The following ISYNA1 variants were observed in gnomAD, a reference collection of about 807,000 sequenced individuals.
ISYNA1 encodes the protein inositol-3-phosphate synthase 1.
Under a neutral mutation model 50.3 loss-of-function variants are expected in ISYNA1, and 34 were observed. The ratio of observed to expected loss-of-function variants is 0.68; its 90% CI spans 0.51 to 0.90. ISYNA1 has a LOEUF of 0.90. Among genes scored for constraint, ISYNA1 ranks in the 40% least tolerant of loss-of-function variants. The pLI is 0.00. For synonymous variants in ISYNA1, 396 were observed against 349.9 expected (o/e 1.13, Z -1.47); for missense variants, 718 against 784.8 (o/e 0.91, Z 1.02).
At position 18,436,776 on chromosome 19, in the gene ISYNA1, G is replaced by T. The variant is rs766889926; in HGVS notation, c.517C>A (p.Arg173=). The change falls in exon 5 of 11, where the codon CGG becomes AGG. Residue 173 remains arginine (R), a synonymous_variant. Coordinates refer to ENST00000338128, the MANE Select transcript of ISYNA1 (RefSeq NM_016368.5). ...EQLWPHMEAL[R]PRPSVYIPEF... ...GGGATGTAAACAGAAGGCCGGGGCC[G>T]CAGGGCCTCCATGTGCGGCCACAGT... 15 of 1,576,640 alleles carry T rather than the reference G, an allele frequency of 9.5e-6. No homozygotes were observed. In the Admixed American group the frequency reaches 3.0e-4, roughly 31 times the overall value.
rs1361188695 is a variant in ISYNA1, at chr19:18,437,969, G to A, written c.11C>T (p.Ala4Val). The A allele has an allele frequency of 3.8e-6, 6 of 1,584,230 alleles. No homozygotes were observed. Among genetic ancestry groups the A allele is most frequent in the Non-Finnish European group, 4.3e-6 (5 of 1,167,086 alleles). MEA[A>V]AQFFVESPDV... ...CGGGCTCTCGACGAAGAACTGGGCG[G>A]CGGCCTCCATCGCGGCGGGCTGGGG... The change falls in exon 2 of 11, where the codon GCC (alanine) becomes GTC (valine). Residue 4 changes from alanine (A) to valine (V), a missense_variant. This residue lies in a region of ISYNA1 where 403 missense variants were observed against 466.6 expected (regional missense o/e 0.86). Coordinates refer to ENST00000338128, the MANE Select transcript of ISYNA1 (RefSeq NM_016368.5).
chr19:18,436,232 A>G lies in ISYNA1; in HGVS notation c.775T>C (p.Ser259Pro), dbSNP rs1245945454. The G allele has an allele frequency of 1.2e-6, 2 of 1,608,838 alleles. No homozygotes were observed. Among genetic ancestry groups the G allele is most frequent in the Non-Finnish European group, 1.7e-6 (2 of 1,179,924 alleles). ...GCCACGGCGAAGAGCGTGGAGGGCGACACCTCCAGACCGAGCTGTGGGCAA... is the reference window on the plus strand; with the variant it reads ...GCCACGGCGAAGAGCGTGGAGGGCGGCACCTCCAGACCGAGCTGTGGGCAA... ...LRTIELGLEV[S>P]PSTLFAVASI... The change falls in exon 7 of 11, where the codon TCG becomes CCG. Residue 259 changes from serine to proline, a missense_variant. Around this residue, in one of 3 missense-constraint regions of ISYNA1, gnomAD observed 403 missense variants for 466.6 expected, o/e 0.86. Coordinates refer to ENST00000338128, the MANE Select transcript of ISYNA1 (RefSeq NM_016368.5).
In ISYNA1 at chr19:18,437,940, C is replaced by T. The variant is rs1211775938; in HGVS notation, c.40G>A (p.Val14Met). 1.2e-6 allele frequency: 2 copies of T among 1,606,668 alleles called. No homozygotes were observed. Among genetic ancestry groups the T allele is most frequent in the Non-Finnish European group, 8.5e-7 (1 of 1,177,656 alleles). The change falls in exon 2 of 11, where the codon GTG becomes ATG. Residue 14 changes from valine to methionine, a missense_variant. Coordinates refer to ENST00000338128, the MANE Select transcript of ISYNA1 (RefSeq NM_016368.5). ...AAQFFVESPD[V>M]VYGPEAIEAQ... Reference sequence around the variant, plus strand: ...TCGATGGCCTCGGGGCCGTAGACCACGTCCGGGCTCTCGACGAAGAACTGG... The same window carrying T: ...TCGATGGCCTCGGGGCCGTAGACCATGTCCGGGCTCTCGACGAAGAACTGG...
At chr19:18,435,172 G>T in intron 10 of ISYNA1, 55 bp from the exon 11 acceptor site, 11 of 1,599,828 alleles carry the variant, frequency 6.9e-6, no homozygotes, top group Non-Finnish European at 8.5e-6. Flanking sequence ...GAAAGGGGGG[G>T]TATCCCTGCC....
chr19:18,437,778 A>G lies in ISYNA1; in HGVS notation c.121-18T>C. 1 of 1,594,384 alleles carries G rather than the reference A, an allele frequency of 6.3e-7. No homozygotes were observed. ...GGGTGCACCTGAAGACAGGCCGCGC[A>G]GTGAATCCCGGGTCCCGTGCCCTTC... is the stretch of plus-strand genomic sequence containing the variant. On this transcript the variant is annotated intron_variant, in intron 2 of 10. Transcript: ENST00000338128.
chr19:18,436,167 C>T lies in ISYNA1; in HGVS notation c.840G>A (p.Pro280=), dbSNP rs146432587. ...LEGCAFLNGS[P]QNTLVPGALE... ...GAGCTCCGGGCACCAGGGTGTTCTG[C>T]GGAGACCCATTGAGGAAGGCACAGC... The change falls in exon 7 of 11, where the codon CCG becomes CCA. Residue 280 remains proline (P), a synonymous_variant. Transcript: ENST00000338128. 2.5e-6 allele frequency: 4 copies of T among 1,612,124 alleles called. No homozygotes were observed. The highest frequency in any genetic ancestry group is 1.3e-5 in the African/African-American group (1 of 75,072).
chr19:18,437,088 G>A lies in ISYNA1; in HGVS notation c.300C>T (p.Gly100=). The A allele has an allele frequency of 6.3e-7, 1 of 1,585,638 alleles. No individual in the cohort carries two copies. The highest frequency in any genetic ancestry group is 8.6e-7 in the Non-Finnish European group (1 of 1,168,022). Residue 100 remains glycine (G), a synonymous_variant, in exon 4 of 11, where the codon GGC becomes GGT. Transcript: ENST00000338128. The stretch of plus-strand genomic sequence containing the variant: ...TCACGGTGCCCGCCTGAGTCAGCGA[G>A]CCGTAGTAGTTGGCCTCCTGGGGGT... ...RSGRKEANYY[G]SLTQAGTVSL...
In ISYNA1 at chr19:18,436,323, C is replaced by G. The variant is rs1290295766; in HGVS notation, c.759+7G>C. The G allele has an allele frequency of 1.2e-6, 2 of 1,611,240 alleles. No homozygotes were observed. Among genetic ancestry groups the G allele is most frequent in the Non-Finnish European group, 1.7e-6 (2 of 1,179,864 alleles). The stretch of plus-strand genomic sequence containing the variant: ...GCCTGACCCGCTCCACCCGGGCGTT[C>G]GCCCACCTCAATGGTGCGCAGCAGG... On this transcript the variant is annotated splice_region_variant and intron_variant, in intron 6 of 10. Coordinates refer to ENST00000338128, the MANE Select transcript of ISYNA1 (RefSeq NM_016368.5).
Position 18,434,894 on chromosome 19 carries a change from A to G in ISYNA1, c.*19T>C, listed in dbSNP as rs768941131. ...GGGGCAGCGGGGAGGAAGAGCCGAG[A>G]AACTGTGTGACCGGGGCCTCAGGTG... On this transcript the variant is annotated 3_prime_UTR_variant, in exon 11 of 11. Coordinates refer to ENST00000338128, the MANE Select transcript of ISYNA1 (RefSeq NM_016368.5). The G allele has an allele frequency of 6.2e-7, 1 of 1,607,586 alleles. No homozygotes were observed. The highest frequency in any genetic ancestry group is 1.1e-5 in the South Asian group (1 of 90,922).
In ISYNA1 at chr19:18,434,547, G is replaced by A; in HGVS notation, c.*366C>T. On this transcript the variant is annotated 3_prime_UTR_variant, in exon 11 of 11. Transcript: ENST00000338128. The stretch of plus-strand genomic sequence containing the variant: ...GGGGCCCATAAATAAATGGAAGCTG[G>A]TTTTGGTTTTTGGTAGCTTGTCTCA... 1.8e-6 allele frequency: 1 copy of A among 544,660 alleles called. No individual in the cohort carries two copies. 33.7% of individuals were successfully genotyped at this position (544,660 alleles called of 1,614,324 possible).
chr19:18,437,565 G>T, intron 3 of ISYNA1, 34 bp downstream of exon 3: 1 of 947,368 alleles, frequency 1.1e-6, no homozygotes, highest in Non-Finnish European at 1.3e-6. Flanking sequence ...CTCCCACCAA[G>T]CCTCCCTACC....
chr19:18,435,190 G>A, intron 10 of ISYNA1, 73 bp from the exon 11 acceptor site: 3 of 1,593,832 alleles, frequency 1.9e-6, no homozygotes. Context: ...GCCACCTACA[G>A]CCCCCCAAGC....
At position 18,434,833 on chromosome 19, in the gene ISYNA1, C is replaced by G; in HGVS notation, c.*80G>C. 6.6e-6 allele frequency: 8 copies of G among 1,213,070 alleles called. 1 individual carries two copies. The highest frequency in any genetic ancestry group is 2.5e-5 in the South Asian group (2 of 80,816). 75.1% of individuals were successfully genotyped at this position (1,213,070 alleles called of 1,614,324 possible). On this transcript the variant is annotated 3_prime_UTR_variant, in exon 11 of 11. Transcript: ENST00000338128. ...GTGGAAGGAGGGCTGAGTGGCAGCG[C>G]CTTTATTTGTGGGGGCCTTCAAGGT...
chr19:18,434,753 A>G lies in ISYNA1; in HGVS notation c.*160T>C. 3.1e-6 allele frequency: 2 copies of G among 644,138 alleles called. No individual in the cohort carries two copies. The highest frequency in any genetic ancestry group is 5.4e-5 in the Admixed American group (2 of 36,784). 39.9% of individuals were successfully genotyped at this position (644,138 alleles called of 1,614,324 possible). ...GGATGGGACTGAAGCTGGGCGCTCA[A>G]GAGTCGGGGAAGTAGAGGGAGGCAG... On this transcript the variant is annotated 3_prime_UTR_variant, in exon 11 of 11. Coordinates refer to ENST00000338128, the MANE Select transcript of ISYNA1 (RefSeq NM_016368.5).
rs1301835348 is a variant in ISYNA1, at chr19:18,435,394, G to C, written c.1344C>G (p.Pro448=). ...QRVSFCTDMD[P]EPQTFHPVLS... ...GCACGGGGTGGAAGGTCTGCGGCTC[G>C]GGGTCCATGTCAGTGCAGAAGCTCA... The change falls in exon 10 of 11, where the codon CCC becomes CCG. Residue 448 remains proline (P), a synonymous_variant. Transcript: ENST00000338128. 4.3e-6 allele frequency: 7 copies of C among 1,611,312 alleles called. No individual in the cohort carries two copies. The highest frequency in any genetic ancestry group is 1.3e-5 in the African/African-American group (1 of 74,922).
At position 18,438,130 on chromosome 19, in the gene ISYNA1, G is replaced by A. The variant is rs1485241690; in HGVS notation, c.-47C>T. ...GACTCAGGCAGCGGCGGCGGACAGC[G>A]CGGGCTCTCGGGCGCGCGACCTCCG... On this transcript the variant is annotated 5_prime_UTR_variant, in exon 1 of 11. Transcript: ENST00000338128. 5 of 825,518 alleles carry A rather than the reference G, an allele frequency of 6.1e-6. No individual in the cohort carries two copies. Among genetic ancestry groups the A allele is most frequent in the Non-Finnish European group, 8.7e-6 (5 of 576,712 alleles). The allele number at this position is 825,518 out of a possible 1,614,324, so 51.1% of individuals were successfully genotyped here. A position where few individuals can be genotyped will look rare whatever the true frequency, so the allele number is the denominator to read the frequency against.
In ISYNA1 at chr19:18,437,336, C is replaced by T; in HGVS notation, c.283-231G>A. On this transcript the variant is annotated intron_variant, in intron 3 of 10. Transcript: ENST00000338128. ...AGGAGTCCCCGCTACCTCGCGAAACCCTTCCACGGGGTCCGCCTGCAGCCA... is the reference window on the plus strand; with the variant it reads ...AGGAGTCCCCGCTACCTCGCGAAACTCTTCCACGGGGTCCGCCTGCAGCCA... 3 of 1,402,792 alleles carry T rather than the reference C, an allele frequency of 2.1e-6. No homozygotes were observed. In the East Asian group the frequency reaches 8.0e-5, roughly 37 times the overall value. 86.9% of individuals were successfully genotyped at this position (1,402,792 alleles called of 1,614,324 possible). A position where few individuals can be genotyped will look rare whatever the true frequency, so the allele number is the denominator to read the frequency against.
Position 18,435,596 on chromosome 19 carries a change from T to G in ISYNA1, c.1221A>C (p.Gly407=). 6.2e-7 allele frequency: 1 copy of G among 1,609,898 alleles called. No homozygotes were observed. Among genetic ancestry groups the G allele is most frequent in the Non-Finnish European group, 8.5e-7 (1 of 1,178,440 alleles). The change falls in exon 9 of 11, where the codon GGA becomes GGC. Residue 407 remains glycine (G), a synonymous_variant. Transcript: ENST00000338128. ...DEYTSELMLG[G]TNTLVLHNTC... is the part of the protein sequence containing the mutation. ...TGTTGTGCAGCACCAGTGTGTTGGT[T>G]CCGCCCAGCATCAGCTCCGAGGTAT... is the stretch of plus-strand genomic sequence containing the variant.
At chr19:18,437,317 C>T (rs1310624129) in intron 3 of ISYNA1, 2 of 1,414,486 alleles carry the variant, frequency 1.4e-6, no homozygotes, top group African/African-American at 2.9e-5. Flanking sequence ...CCCGAGGAGT[C>T]CCCGCTACCT....
Sources: gnomAD v4.1 joint callset for allele counts on GRCh38, gnomAD v4.1.1 for gene constraint, gnomAD v4.1.1 regional missense constraint, MANE v1.5 for transcripts, NCBI Gene and HGNC (gene_info 2026-07-23, HGNC 2026-07-21) for gene names.